TENM2: variants seen among roughly 807,000 people sequenced by gnomAD.
TENM2 encodes the protein teneurin-2.
In TENM2, 52 loss-of-function variants were observed where a neutral mutation model predicts 245.2. The ratio of observed to expected loss-of-function variants is 0.21; its 90% CI spans 0.17 to 0.27. TENM2 has a LOEUF of 0.27. Among genes scored for constraint, TENM2 ranks in the 10% least tolerant of loss-of-function variants. TENM2 has a pLI of 1.00. For missense variants in TENM2, 3,046 were observed against 3,666.8 expected (o/e 0.83, Z 4.37); for synonymous variants, 1,363 against 1,438.9 (o/e 0.95, Z 1.19).
At chr5:167,149,915 A>C in the TENM2 span, among the ~76,000 whole-genome samples, 2 of 152,126 alleles carry the variant, frequency 1.3e-5, no homozygotes, top group Non-Finnish European at 1.5e-5. Context: ...CCATATCCTC[A>C]GTGCTTGAAG....
chr5:168,149,474 T>C (rs1280858293), intron 12 of TENM2: 1 of 453,082 alleles, frequency 2.2e-6, no homozygotes. Context: ...TTGTCTGCTT[T>C]TGTGTCTCTA....
intron 2 of TENM2, among the ~76,000 whole-genome samples, chr5:167,396,732 T>C (rs1180631737): frequency 3.9e-5 from 6 of 152,182 alleles, no homozygotes; most frequent in African/African-American, 1.2e-4. Flanking sequence ...AGATTTCTAC[T>C]GGAGCGAGAC....
the TENM2 span, among the ~76,000 whole-genome samples, chr5:167,035,777 T>G: frequency 6.6e-6 from 1 of 152,344 alleles, no homozygotes; most frequent in South Asian, 2.1e-4. Context: ...TTTCACTCTG[T>G]CACCTAGGCT....
At chr5:167,208,498 A>G in the TENM2 span, among the ~76,000 whole-genome samples, 1 of 152,200 alleles carries the variant, frequency 6.6e-6, no homozygotes, top group Non-Finnish European at 1.5e-5. Context: ...CAACAAAACG[A>G]ACACTAGAAC....
intron 12 of TENM2, among the ~76,000 whole-genome samples, chr5:168,141,514 G>A (rs933031874): frequency 1.3e-5 from 2 of 152,192 alleles, no homozygotes; most frequent in African/African-American, 4.8e-5. Context: ...TAGAGCCAGA[G>A]GAAACTGCCT....
At chr5:167,589,414 G>A (rs988215655) in intron 2 of TENM2, among the ~76,000 whole-genome samples, 10 of 149,792 alleles carry the variant, frequency 6.7e-5, no homozygotes, top group Non-Finnish European at 1.2e-4. Flanking sequence ...TTTTAAACAT[G>A]TGTCAGAATT....
chr5:167,755,078 A>G (rs1233332501), intron 2 of TENM2: 2 of 1,598,940 alleles, frequency 1.3e-6, no homozygotes, highest in Non-Finnish European at 1.7e-6. Context: ...TCTCCTGATC[A>G]TTAGCGTTGC....
chr5:168,093,177 A>T (rs953016477), intron 8 of TENM2, among the ~76,000 whole-genome samples: 1 of 152,142 alleles, frequency 6.6e-6, no homozygotes, highest in African/African-American at 2.4e-5. Context: ...GGTTCGGATT[A>T]TTTCCCAACA....
intron 5 of TENM2, among the ~76,000 whole-genome samples, chr5:168,037,639 G>C (rs1787832089): frequency 2.0e-5 from 3 of 151,688 alleles, no homozygotes; most frequent in African/African-American, 7.3e-5. Context: ...AGAGGAGGAG[G>C]CTTCTCTGAA....
intron 2 of TENM2, among the ~76,000 whole-genome samples, chr5:167,592,501 G>T: frequency 6.6e-6 from 1 of 152,102 alleles, no homozygotes; most frequent in South Asian, 2.1e-4. Context: ...CTGACATTTT[G>T]TCCCTTCAGC....
chr5:167,907,257 AAAT>A (rs906784398), intron 3 of TENM2, among the ~76,000 whole-genome samples: 12 of 151,578 alleles, frequency 7.9e-5, no homozygotes, highest in Admixed American at 7.2e-4. Context: ...ATAAATAAAT[AAAT>A]AACATAAAAA....
intron 1 of TENM2, among the ~76,000 whole-genome samples, chr5:167,326,702 A>AAT (rs70976411): frequency 0.015 from 2,191 of 143,174 alleles, 13 homozygotes; most frequent in Middle Eastern, 0.036. Flanking sequence ...ATAATAAATA[A>AAT]ATATATATAT....
chr5:167,663,165 A>T (rs914328472), intron 2 of TENM2, among the ~76,000 whole-genome samples: 4 of 150,736 alleles, frequency 2.7e-5, no homozygotes, highest in African/African-American at 9.8e-5. Context: ...AGAGAGAGAG[A>T]GAGAGAGAGA....
chr5:168,121,931 AT>A (rs1795497658), intron 10 of TENM2, among the ~76,000 whole-genome samples: 2 of 152,334 alleles, frequency 1.3e-5, no homozygotes, highest in South Asian at 2.1e-4. Context: ...TTCTGAATGA[AT>A]TTGTTCATAA....
At chr5:168,170,874 T>C (rs1015306471) in intron 13 of TENM2, among the ~76,000 whole-genome samples, 6 of 152,234 alleles carry the variant, frequency 3.9e-5, no homozygotes, top group Admixed American at 3.3e-4. Context: ...GGGTTTCTCA[T>C]GGAGTTAGAA....
At chr5:168,211,824 T>C (rs1036453418) in intron 20 of TENM2, 70 bp downstream of exon 22, 2 of 987,724 alleles carry the variant, frequency 2.0e-6, no homozygotes. Context: ...GCTTTTTTTG[T>C]TTTGTGCTTC....
At chr5:168,018,808 C>T (rs1324638650) in intron 5 of TENM2, among the ~76,000 whole-genome samples, 1 of 152,164 alleles carries the variant, frequency 6.6e-6, no homozygotes, top group African/African-American at 2.4e-5. Context: ...TAAAAACTTC[C>T]TTCTCTCTAA....
chr5:168,253,426 TTTA>T (rs755091784), intron 27 of TENM2, among the ~76,000 whole-genome samples: 5,357 of 144,390 alleles, frequency 0.037, 199 homozygotes, highest in Middle Eastern at 0.065. Context: ...CATTCATTAT[TTTA>T]TTTTTTTTTT....
chr5:167,051,663 T>TA, the TENM2 span, among the ~76,000 whole-genome samples: 1 of 152,208 alleles, frequency 6.6e-6, no homozygotes, highest in Admixed American at 6.5e-5. Context: ...ATGTTGTCCC[T>TA]GAAAATATTT....
Sources: allele counts gnomAD v4.1 joint callset (sites outside exome capture counted in the v4.1 genomes callset), GRCh38; gene constraint gnomAD v4.1.1; transcripts MANE v1.5; gene names NCBI Gene and HGNC (gene_info 2026-07-23, HGNC 2026-07-21).